Variants in HEG1 observed in about 807,000 individuals in gnomAD.
The protein encoded by HEG1 is heart development protein with EGF like domains 1, also known as protein HEG homolog 1.
A neutral mutation model predicts 125.6 loss-of-function variants in HEG1; 56 were observed. The ratio of observed to expected loss-of-function variants is 0.45; its 90% confidence interval spans 0.36 to 0.56. HEG1 has a LOEUF of 0.56. HEG1 is among the 20% of genes least tolerant of loss of function. The probability of loss-of-function intolerance (pLI) is 0.00; values close to 1 mark genes in which losing one functional copy is unlikely to be tolerated. For missense variants in HEG1, 1,523 were observed against 1,670.0 expected, an observed-to-expected ratio of 0.91 and a Z score of 1.53; for synonymous variants, 644 against 668.5, an observed-to-expected ratio of 0.96 and a Z score of 0.57.
intron 14 of HEG1, among the ~76,000 whole-genome samples, chr3:124,983,483 T>G (rs1210268295): frequency 1.3e-5 from 2 of 149,628 alleles, no homozygotes; most frequent in Non-Finnish European, 3.0e-5. Flanking sequence ...ACTAAGTGCA[T>G]GCCACCATGC....
chr3:124,987,924 T>TACACACACACACACACACACACAC lies in HEG1; in HGVS notation c.3733+2839_3733+2862dup, dbSNP rs67009322. ...TCTCTTCTGAAAGACTATATATGTG[T>TACACACACACACACACACACACAC]ACACACACACACACACACACACACA... On this transcript the variant is annotated intron_variant, in intron 14 of 16. Transcript: ENST00000311127. 5.0e-3 allele frequency among the ~76,000 whole-genome samples: 339 copies of TACACACACACACACACACACACAC among 67,450 alleles called. 11 individuals are homozygous for TACACACACACACACACACACACAC. The highest frequency in any genetic ancestry group is 7.2e-3 in the South Asian group (10 of 1,394). The allele number at this position is 67,450 out of a possible 152,430, so 44.2% of individuals were successfully genotyped here. A position where few individuals can be genotyped will look rare whatever the true frequency, so the allele number is the denominator to read the frequency against.
At chr3:124,981,904 A>C (rs1463418192) in intron 14 of HEG1, among the ~76,000 whole-genome samples, 1 of 144,234 alleles carries the variant, frequency 6.9e-6, no homozygotes, top group Non-Finnish European at 1.5e-5. Context: ...GTATATATAC[A>C]CATACATATT....
intron 11 of HEG1, among the ~76,000 whole-genome samples, chr3:125,001,643 A>C (rs561998362): frequency 1.3e-5 from 2 of 152,330 alleles, no homozygotes; most frequent in South Asian, 2.1e-4. Flanking sequence ...GCTTGTGTAC[A>C]GGACTCTGGG....
At chr3:125,001,671 G>T (rs1937001362) in intron 11 of HEG1, among the ~76,000 whole-genome samples, 181 bp downstream of exon 11, 1 of 152,154 alleles carries the variant, frequency 6.6e-6, no homozygotes, top group African/African-American at 2.4e-5. Context: ...GTGCATGTTT[G>T]TACATGCATG....
chr3:125,036,296 A>T (rs1287922149), intron 1 of HEG1, among the ~76,000 whole-genome samples: 1 of 151,850 alleles, frequency 6.6e-6, no homozygotes, highest in Admixed American at 6.6e-5. Flanking sequence ...CATAGAGAGA[A>T]ATCAGTGAAT....
intron 2 of HEG1, among the ~76,000 whole-genome samples, chr3:125,028,208 C>T (rs951730502): frequency 1.3e-5 from 2 of 152,370 alleles, no homozygotes; most frequent in East Asian, 3.9e-4. Flanking sequence ...CCATGCTAGA[C>T]ATCCTGTAAC....
Position 124,997,732 on chromosome 3 carries a change from C to T in HEG1, c.3609G>A (p.Lys1203=), listed in dbSNP as rs1560020538. 3 of 1,594,998 alleles carry T rather than the reference C, an allele frequency of 1.9e-6. No individual in the cohort carries two copies. The highest frequency in any genetic ancestry group is 2.6e-6 in the Non-Finnish European group (3 of 1,166,960). Reference sequence around the variant, plus strand: ...TCTTGTTGAACTGAAAGTATCCCGACTTGCACTGGCACAGGGCAACGCCGT... The same window carrying T: ...TCTTGTTGAACTGAAAGTATCCCGATTTGCACTGGCACAGGGCAACGCCGT... The part of the protein sequence containing the change: ...DLDGVALCQC[K]SGYFQFNKMD... Residue 1203 remains lysine (K), a synonymous_variant, in exon 12 of 17, where the codon AAG becomes AAA. Transcript: ENST00000311127.
chr3:125,005,201 C>G (rs1044249937), intron 9 of HEG1, 64 bp downstream of exon 9: 41 of 978,942 alleles, frequency 4.2e-5, no homozygotes, highest in Non-Finnish European at 9.4e-6. Context: ...GCAGTCCCCT[C>G]TTGGAATAAA....
intron 16 of HEG1, among the ~76,000 whole-genome samples, chr3:124,972,965 C>T (rs1261739857): frequency 6.6e-6 from 1 of 152,008 alleles, no homozygotes; most frequent in Non-Finnish European, 1.5e-5. Flanking sequence ...TCTCTTTATA[C>T]CTTTTCCCCA....
Position 125,019,605 on chromosome 3 carries a change from GT to G in HEG1, c.1253-9del. On this transcript the variant is annotated splice_polypyrimidine_tract_variant and intron_variant, in intron 4 of 16. Transcript: ENST00000311127. The stretch of plus-strand genomic sequence containing the variant: ...GCTGATGTTCTCCAAAGGCTGTAAG[GT>G]AATATAGGAAAAAAAGGCCATTACA... The G allele has an allele frequency of 6.3e-7, 1 of 1,592,270 alleles. No homozygotes were observed. The highest frequency in any genetic ancestry group is 8.6e-7 in the Non-Finnish European group (1 of 1,162,672).
chr3:125,002,230 A>G (rs754449871), intron 10 of HEG1, 27 bp downstream of exon 10: 1 of 1,602,934 alleles, frequency 6.2e-7, no homozygotes. Context: ...AGACTAGTTC[A>G]CAAGCAAATA....
chr3:124,987,683 G>A (rs1049313600), intron 14 of HEG1, among the ~76,000 whole-genome samples: 5 of 151,368 alleles, frequency 3.3e-5, no homozygotes, highest in African/African-American at 1.2e-4. Context: ...ACCATGCCCA[G>A]CTAATTTTTT....
chr3:125,012,715 A>G lies in HEG1; in HGVS notation c.2864T>C (p.Val955Ala). Residue 955 changes from valine to alanine, a missense_variant, in exon 6 of 17, where the codon GTT becomes GCT. Transcript: ENST00000311127. ...GGGAGCCAAGTCTTCAGCCGTGGAA[A>G]CAACTGTGGTTTGGGGAGAAGGAGA... Reference protein sequence around the residue: ...GTSPSPQTTVVSTAEDLAPKS... With the variant: ...GTSPSPQTTVASTAEDLAPKS... The G allele has an allele frequency of 6.2e-7, 1 of 1,613,994 alleles. No homozygotes were observed. Among genetic ancestry groups the G allele is most frequent in the East Asian group, 2.2e-5 (1 of 44,886 alleles).
At chr3:125,005,885 T>C (rs1937064828) in intron 8 of HEG1, among the ~76,000 whole-genome samples, 1 of 152,198 alleles carries the variant, frequency 6.6e-6, no homozygotes, top group Admixed American at 6.5e-5. Flanking sequence ...TTCAGTTTCC[T>C]CTTGTCCTTA....
chr3:125,031,183 G>A (rs919398776), intron 1 of HEG1, among the ~76,000 whole-genome samples: 5 of 152,280 alleles, frequency 3.3e-5, no homozygotes, highest in Middle Eastern at 3.4e-3. Context: ...CCCAAGTCAC[G>A]TCCAAGAAAG....
intron 16 of HEG1, 56 bp from the exon 17 acceptor site, chr3:124,970,857 G>A (rs2107684860): frequency 6.9e-7 from 1 of 1,447,306 alleles, no homozygotes; most frequent in Non-Finnish European, 9.5e-7. Context: ...GGTTTAAATT[G>A]CAGTGTTAAA....
intron 5 of HEG1, 37 bp from the exon 6 acceptor site, chr3:125,014,027 GAACAACA>G (rs773828087): frequency 5.2e-6 from 8 of 1,533,288 alleles, no homozygotes; most frequent in Non-Finnish European, 7.0e-6. Flanking sequence ...TCAAATAAAA[GAACAACA>G]AAACTCTGAA....
chr3:125,019,189 C>T (rs1937297248), intron 5 of HEG1, 73 bp downstream of exon 5: 21 of 1,330,420 alleles, frequency 1.6e-5, no homozygotes, highest in Non-Finnish European at 2.1e-5. Context: ...TTTTAATACG[C>T]CACAGATTTC....
rs1274541954 is a variant in HEG1 at position 124,968,872 on chromosome 3, T to A, written c.*1780A>T. 6.6e-6 allele frequency: 1 copy of A among 152,180 alleles called. No individual in the cohort carries two copies. Among genetic ancestry groups the A allele is most frequent in the African/African-American group, 2.4e-5 (1 of 41,444 alleles). 9.4% of individuals were successfully genotyped at this position (152,180 alleles called of 1,614,324 possible). A position where few individuals can be genotyped will look rare whatever the true frequency, so the allele number is the denominator to read the frequency against. ...GACACTTTGAAATTTTAGGTTAGCC[T>A]CCACTGATAAAAACAGTTCTCCTTT... On this transcript the variant is annotated 3_prime_UTR_variant, in exon 17 of 17. Coordinates refer to ENST00000311127, the MANE Select transcript of HEG1 (RefSeq NM_020733.2).
Sources: allele counts gnomAD v4.1 joint callset (sites outside exome capture counted in the v4.1 genomes callset), GRCh38; gene constraint gnomAD v4.1.1; transcripts MANE v1.5; gene names NCBI Gene and HGNC (gene_info 2026-07-23, HGNC 2026-07-21).